Variants in PRKCA observed in about 807,000 individuals in gnomAD.
The protein encoded by PRKCA is protein kinase C alpha type.
A neutral mutation model predicts 87.0 loss-of-function variants in PRKCA; 27 were observed. The ratio of observed to expected loss-of-function variants is 0.31; its 90% confidence interval spans 0.23 to 0.43. The LOEUF (loss-of-function observed/expected upper bound fraction) is 0.43. Among genes scored for constraint, PRKCA ranks in the 20% least tolerant of loss-of-function variants. The pLI is 1.00. For synonymous variants in PRKCA, 329 were observed against 311.1 expected, an observed-to-expected ratio of 1.06 and a Z score of -0.61; for missense variants, 518 against 852.3, an observed-to-expected ratio of 0.61 and a Z score of 4.88.
At chr17:66,558,226 G>A (rs1238869221) in intron 3 of PRKCA, among the ~76,000 whole-genome samples, 1 of 152,240 alleles carries the variant, frequency 6.6e-6, no homozygotes, top group Non-Finnish European at 1.5e-5. Context: ...GCTAGGTACT[G>A]TGCAGACACC....
intron 14 of PRKCA, 44 bp from the exon 15 acceptor site, chr17:66,786,823 A>C: frequency 6.5e-7 from 1 of 1,532,488 alleles, no homozygotes; most frequent in African/African-American, 1.4e-5. Flanking sequence ...TGAATGAATT[A>C]CTCTGCCTAA....
intron 2 of PRKCA, among the ~76,000 whole-genome samples, chr17:66,457,793 C>T (rs969546751): frequency 5.9e-5 from 9 of 152,086 alleles, no homozygotes; most frequent in African/African-American, 1.4e-4. Flanking sequence ...CTCAGCCCTG[C>T]GGAACTGTGA....
intron 2 of PRKCA, among the ~76,000 whole-genome samples, chr17:66,458,328 G>T (rs1267354873): frequency 6.6e-6 from 1 of 152,098 alleles, no homozygotes; most frequent in Non-Finnish European, 1.5e-5. Context: ...TTGAAGTAAG[G>T]TACAAAAAGT....
intron 3 of PRKCA, among the ~76,000 whole-genome samples, chr17:66,514,718 C>G (rs1358526226): frequency 6.6e-6 from 1 of 151,992 alleles, no homozygotes; most frequent in Non-Finnish European, 1.5e-5. Flanking sequence ...GTGCTCCAAG[C>G]AGGAGGTGAG....
intron 5 of PRKCA, among the ~76,000 whole-genome samples, chr17:66,675,511 C>T (rs967044720): frequency 2.0e-5 from 3 of 152,244 alleles, no homozygotes; most frequent in Admixed American, 2.0e-4. Context: ...GGAGAGAGGA[C>T]GATCCCTCGG....
intron 2 of PRKCA, among the ~76,000 whole-genome samples, chr17:66,423,359 C>T (rs923190477): frequency 5.9e-5 from 9 of 152,116 alleles, no homozygotes; most frequent in African/African-American, 2.2e-4. Flanking sequence ...TTTATGATCC[C>T]ATATTTGGAA....
At chr17:66,757,110 A>T (rs964195070) in intron 13 of PRKCA, among the ~76,000 whole-genome samples, 1 of 152,216 alleles carries the variant, frequency 6.6e-6, no homozygotes, top group South Asian at 2.1e-4. Context: ...ACTGGAGCAG[A>T]AATGAAGAAT....
At position 66,324,194 on chromosome 17, in the gene PRKCA, A is replaced by G. The variant is rs189850115; in HGVS notation, c.205+18067A>G. On this transcript the variant is annotated intron_variant, in intron 2 of 16. Coordinates refer to ENST00000413366, the MANE Select transcript of PRKCA (RefSeq NM_002737.3). The stretch of plus-strand genomic sequence containing the variant: ...GCTGTGTATAGAACTTCACATAAAC[A>G]TTGATATGGAGAAAGAGTTTTCATA... Among the ~76,000 whole-genome samples the G allele has an allele frequency of 1.6e-4, 25 of 152,300 alleles. No homozygotes were observed. In the East Asian group the frequency reaches 4.4e-3, roughly 27 times the overall value.
At chr17:66,651,120 G>A (rs567612111) in intron 5 of PRKCA, among the ~76,000 whole-genome samples, 1 of 152,254 alleles carries the variant, frequency 6.6e-6, no homozygotes, top group South Asian at 2.1e-4. Context: ...GGGAGGACAG[G>A]GAAGGAAGAA....
intron 3 of PRKCA, among the ~76,000 whole-genome samples, chr17:66,564,722 C>T (rs1398830249): frequency 6.6e-6 from 1 of 152,186 alleles, no homozygotes. Flanking sequence ...TGGCTCATGC[C>T]TGTAATCCCA....
intron 2 of PRKCA, among the ~76,000 whole-genome samples, chr17:66,406,175 T>C (rs1037911709): frequency 6.6e-6 from 1 of 152,102 alleles, no homozygotes. Flanking sequence ...TAACAGAAAT[T>C]TGCCTCTGGG....
intron 3 of PRKCA, among the ~76,000 whole-genome samples, chr17:66,531,375 G>A (rs1238773391): frequency 1.3e-5 from 2 of 152,210 alleles, no homozygotes; most frequent in Non-Finnish European, 2.9e-5. Flanking sequence ...GGCAGCCTGG[G>A]CAGGTTGCAG....
At chr17:66,696,893 G>A (rs549495730) in intron 8 of PRKCA, among the ~76,000 whole-genome samples, 171 of 152,224 alleles carry the variant, frequency 1.1e-3, no homozygotes, top group African/African-American at 3.9e-3. Flanking sequence ...ATACGTGATC[G>A]AGAGCTTTGG....
Position 66,303,029 on chromosome 17 carries a change from G to A in PRKCA, c.173+5G>A. 1.9e-6 allele frequency: 3 copies of A among 1,606,394 alleles called. No homozygotes were observed. The highest frequency in any genetic ancestry group is 2.5e-6 in the Non-Finnish European group (3 of 1,176,568). Reference sequence around the variant, plus strand: ...CCACTGCACCGACTTCATCTGGTAGGTGCCGGGCCGGGCACTCCTGCCCCG... The same window carrying A: ...CCACTGCACCGACTTCATCTGGTAGATGCCGGGCCGGGCACTCCTGCCCCG... On this transcript the variant is annotated splice_donor_5th_base_variant and intron_variant, in intron 1 of 16. Transcript: ENST00000413366.
chr17:66,753,325 C>A (rs1974477970), intron 13 of PRKCA, among the ~76,000 whole-genome samples: 1 of 152,234 alleles, frequency 6.6e-6, no homozygotes, highest in African/African-American at 2.4e-5. Context: ...TGCCAAGATC[C>A]ATCCTTCCTG....
intron 13 of PRKCA, among the ~76,000 whole-genome samples, chr17:66,753,213 G>A (rs759244255): frequency 6.6e-6 from 1 of 152,182 alleles, no homozygotes; most frequent in Non-Finnish European, 1.5e-5. Flanking sequence ...TCCTTATAGG[G>A]TTAGAGTCTG....
chr17:66,391,564 C>T (rs1034640732), intron 2 of PRKCA, among the ~76,000 whole-genome samples: 7 of 152,166 alleles, frequency 4.6e-5, no homozygotes, highest in African/African-American at 1.2e-4. Context: ...AAGAAGTTTC[C>T]GTAGTCCTCT....
chr17:66,482,400 C>G (rs1460074564), intron 2 of PRKCA, among the ~76,000 whole-genome samples: 1 of 152,118 alleles, frequency 6.6e-6, no homozygotes, highest in African/African-American at 2.4e-5. Flanking sequence ...CACCTAGAGT[C>G]CTTCAGGGAT....
chr17:66,771,241 G>A (rs891679975), intron 13 of PRKCA, among the ~76,000 whole-genome samples: 1 of 152,118 alleles, frequency 6.6e-6, no homozygotes, highest in African/African-American at 2.4e-5. Context: ...CTGACCTGAA[G>A]TAATCCACCC....
Sources: allele counts gnomAD v4.1 joint callset (sites outside exome capture counted in the v4.1 genomes callset), GRCh38; gene constraint gnomAD v4.1.1; transcripts MANE v1.5; gene names NCBI Gene and HGNC (gene_info 2026-07-23, HGNC 2026-07-21).